Variants in MBTD1 observed in about 807,000 individuals in gnomAD.
MBTD1 encodes the protein MBT domain-containing protein 1.
Under a neutral mutation model 87.8 loss-of-function variants are expected in MBTD1, and 24 were observed. The ratio of observed to expected loss-of-function variants is 0.27; its 90% CI spans 0.20 to 0.38. The LOEUF (loss-of-function observed/expected upper bound fraction) is 0.38. MBTD1 is among the 10% of genes least tolerant of loss of function. The probability of loss-of-function intolerance (pLI) is 1.00; values close to 1 mark genes in which losing one functional copy is unlikely to be tolerated. For synonymous variants in MBTD1, 237 were observed against 248.6 expected (o/e 0.95, Z 0.44); for missense variants, 436 against 760.2 (o/e 0.57, Z 5.02).
At chr17:51,218,894 C>T (rs1001927664) in intron 5 of MBTD1, 36 bp downstream of exon 5, 10 of 1,167,546 alleles carry the variant, frequency 8.6e-6, no homozygotes, top group Non-Finnish European at 1.3e-5. Flanking sequence ...GAATCAATGT[C>T]ATATATTTCA....
intron 2 of MBTD1, among the ~76,000 whole-genome samples, chr17:51,230,109 CT>C (rs2053468730): frequency 6.6e-6 from 1 of 152,150 alleles, no homozygotes; most frequent in Admixed American, 6.5e-5. Context: ...TTCTGAATAA[CT>C]TTTAGGTATT....
At chr17:51,212,794 T>C (rs923473127) in intron 6 of MBTD1, among the ~76,000 whole-genome samples, 74 of 152,226 alleles carry the variant, frequency 4.9e-4, no homozygotes, top group Non-Finnish European at 2.2e-4. Context: ...TTTGCTCTTA[T>C]TGCTTAGGCT....
chr17:51,226,976 C>T (rs1484493895), intron 2 of MBTD1, among the ~76,000 whole-genome samples: 1 of 151,868 alleles, frequency 6.6e-6, no homozygotes, highest in Non-Finnish European at 1.5e-5. Context: ...GGCGCGGTGA[C>T]TCACGCCTGT....
At chr17:51,249,739 G>A (rs1031999393) in intron 2 of MBTD1, 1 of 151,992 alleles carries the variant, frequency 6.6e-6, no homozygotes, top group Non-Finnish European at 1.5e-5. Flanking sequence ...CAGTATTTTG[G>A]AAAGTCTTCG....
rs1555673760 is a variant in MBTD1 at position 51,179,502 on chromosome 17, A to ATATATT, written c.*1073_*1074insAATATA. 30 of 68,098 alleles carry ATATATT rather than the reference A, an allele frequency of 4.4e-4. No homozygotes were observed. Among genetic ancestry groups the ATATATT allele is most frequent in the Non-Finnish European group, 6.0e-4 (19 of 31,408 alleles). 4.2% of individuals were successfully genotyped at this position (68,098 alleles called of 1,614,324 possible). ...GACAATTTTATATATATATATATAT[A>ATATATT]TATATATATATATATATATATATAT... On this transcript the variant is annotated 3_prime_UTR_variant, in exon 17 of 17. Transcript: ENST00000586178.
intron 16 of MBTD1, among the ~76,000 whole-genome samples, chr17:51,189,914 C>T (rs1239425888): frequency 2.6e-5 from 4 of 152,242 alleles, no homozygotes. Context: ...AGTATCAGAC[C>T]TGGCAAGCAG....
chr17:51,179,826 A>G lies in MBTD1; in HGVS notation c.*750T>C, dbSNP rs1186743060. 1 of 152,040 alleles carries G rather than the reference A, an allele frequency of 6.6e-6. No homozygotes were observed. Among genetic ancestry groups the G allele is most frequent in the Non-Finnish European group, 1.5e-5 (1 of 68,004 alleles). 9.4% of individuals were successfully genotyped at this position (152,040 alleles called of 1,614,324 possible). A position where few individuals can be genotyped will look rare whatever the true frequency, so the allele number is the denominator to read the frequency against. ...ACATTACATTTTCCCCAACCCCTCA[A>G]TGTGTAGACTGAGATCCTGAATATC... On this transcript the variant is annotated 3_prime_UTR_variant, in exon 17 of 17. Transcript: ENST00000586178.
chr17:51,245,220 CTTATT>C (rs1269872099), intron 2 of MBTD1, among the ~76,000 whole-genome samples: 2 of 151,988 alleles, frequency 1.3e-5, no homozygotes, highest in African/African-American at 2.4e-5. Flanking sequence ...TTTTTGTTAT[CTTATT>C]TTGTGTGGTT....
chr17:51,231,653 GCACAA>G (rs2053557127), intron 2 of MBTD1, among the ~76,000 whole-genome samples: 3 of 152,126 alleles, frequency 2.0e-5, no homozygotes. Context: ...ATGATCATCT[GCACAA>G]CACAAGGGGA....
upstream of MBTD1, chr17:51,260,517 G>A (rs572222680): frequency 3.4e-5 from 50 of 1,484,272 alleles, no homozygotes; most frequent in Admixed American, 2.4e-4. Flanking sequence ...GCGGCGGCCC[G>A]CGAGGGGCCT....
intron 12 of MBTD1, among the ~76,000 whole-genome samples, chr17:51,200,969 G>A (rs2051455551): frequency 6.6e-6 from 1 of 151,942 alleles, no homozygotes; most frequent in Non-Finnish European, 1.5e-5. Context: ...GCAACCTAGG[G>A]AGACCCTGTA....
At position 51,203,119 on chromosome 17, in the gene MBTD1, T is replaced by C. The variant is rs764968860; in HGVS notation, c.828+21A>G. On this transcript the variant is annotated intron_variant, in intron 9 of 16. Transcript: ENST00000586178. ...CTTGTTTTTTAGAGCTCTTCAGTCT[T>C]TATAAGATCCTGTTTTTTACCTTTT... The C allele has an allele frequency of 8.9e-6, 14 of 1,577,142 alleles. No homozygotes were observed. The East Asian group carries it at 2.7e-4, about 30-fold the overall frequency.
chr17:51,260,616 TGGACC>T (rs1568259175), upstream of MBTD1: 1 of 1,612,626 alleles, frequency 6.2e-7, no homozygotes, highest in South Asian at 1.1e-5. Flanking sequence ...CGAATGAAAC[TGGACC>T]GGAGAACCGG....
In MBTD1 at chr17:51,203,859, A is replaced by G; in HGVS notation, c.671T>C (p.Ile224Thr). 6.2e-7 allele frequency: 1 copy of G among 1,613,758 alleles called. No homozygotes were observed. Among genetic ancestry groups the G allele is most frequent in the South Asian group, 1.1e-5 (1 of 91,020 alleles). Residue 224 changes from isoleucine to threonine, a missense_variant, in exon 8 of 17, where the codon ATA (isoleucine) becomes ACA (threonine). Coordinates refer to ENST00000586178, the MANE Select transcript of MBTD1 (RefSeq NM_017643.3). ...AACTGGATGGATATCAGAACCACAT[A>G]TATTGCACCAGAAGTCCAGACCAGA... Reference protein sequence around the residue: ...NDSGLDFWCNICGSDIHPVGW... With the variant: ...NDSGLDFWCNTCGSDIHPVGW...
upstream of MBTD1, chr17:51,260,057 C>T (rs954184137): frequency 4.0e-5 from 16 of 398,572 alleles, no homozygotes; most frequent in African/African-American, 1.4e-4. Flanking sequence ...ATTAGCATAG[C>T]CCTCCCTCCC....
chr17:51,190,750 A>AATATATATATATATATATATAT (rs1555677186), intron 16 of MBTD1, among the ~76,000 whole-genome samples: 13 of 39,682 alleles, frequency 3.3e-4, no homozygotes, highest in African/African-American at 1.1e-3. Context: ...AAAAAAAAAA[A>AATATATATATATATATATATAT]ATATATATAT....
chr17:51,259,712 G>A (rs370207136), intron 1 of MBTD1, 123 bp downstream of exon 1: 1 of 922,468 alleles, frequency 1.1e-6, no homozygotes, highest in South Asian at 5.5e-5. Context: ...GAGGTTGAGA[G>A]GGCGTGGGAT....
chr17:51,235,497 C>CTT (rs2053781928), intron 2 of MBTD1, among the ~76,000 whole-genome samples: 1 of 152,140 alleles, frequency 6.6e-6, no homozygotes, highest in African/African-American at 2.4e-5. Flanking sequence ...ATAAAAAGAA[C>CTT]TTAGCATGAC....
At chr17:51,235,246 G>A (rs1420844204) in intron 2 of MBTD1, among the ~76,000 whole-genome samples, 7 of 151,288 alleles carry the variant, frequency 4.6e-5, no homozygotes, top group African/African-American at 9.7e-5. Context: ...AGCTATTCTC[G>A]TGCCTTAGCC....
Sources: gnomAD v4.1 joint callset for allele counts (sites outside exome capture counted in the v4.1 genomes callset) on GRCh38, gnomAD v4.1.1 for gene constraint, MANE v1.5 for transcripts, NCBI Gene and HGNC (gene_info 2026-07-23, HGNC 2026-07-21) for gene names.